IQSEC1: variants seen among roughly 807,000 people sequenced by gnomAD.
IQSEC1 encodes IQ motif and SEC7 domain-containing protein 1.
A neutral mutation model predicts 91.0 loss-of-function variants in IQSEC1; 31 were observed. The ratio of observed to expected loss-of-function variants is 0.34; its 90% CI spans 0.26 to 0.46. IQSEC1 has a LOEUF of 0.46. IQSEC1 is among the 20% of genes least tolerant of loss of function. IQSEC1 has a pLI of 1.00. For missense variants in IQSEC1, 1,388 were observed against 1,575.6 expected, an observed-to-expected ratio of 0.88 and a Z score of 2.02; for synonymous variants, 699 against 662.6, an observed-to-expected ratio of 1.05 and a Z score of -0.84.
chr3:13,206,063 A>C, intron 1 of IQSEC1, among the ~76,000 whole-genome samples: 1 of 129,424 alleles, frequency 7.7e-6, no homozygotes, highest in African/African-American at 3.0e-5. Flanking sequence ...CACTCCTCCC[A>C]CCCATCTATC....
rs557020896 is a variant in IQSEC1, at chr3:12,901,275, C to T, written c.3053G>A (p.Gly1018Glu). 2.4e-5 allele frequency: 37 copies of T among 1,548,612 alleles called. No homozygotes were observed. The East Asian group carries it at 4.4e-4, about 18-fold the overall frequency. Residue 1018 changes from glycine (G) to glutamate (E), a missense_variant, in exon 14 of 14, where the codon GGG becomes GAG. Transcript: ENST00000613206. ...CCCGTGCATGGCGGCCTGCGGCAGC[C>T]CCTCTGGGGGCCCCAGGTGGTGGCC... ...VAGHHLGPPEGLPQAAMHGHH... is the reference protein window; with the variant it reads ...VAGHHLGPPEELPQAAMHGHH...
chr3:13,114,720 A>C (rs570532699), intron 2 of IQSEC1, among the ~76,000 whole-genome samples: 1 of 151,784 alleles, frequency 6.6e-6, no homozygotes, highest in African/African-American at 2.4e-5. Flanking sequence ...TTGAACACAG[A>C]AAGTGGAGGT....
intron 1 of IQSEC1, among the ~76,000 whole-genome samples, chr3:13,177,806 G>A (rs748900097): frequency 5.3e-5 from 8 of 152,228 alleles, no homozygotes; most frequent in Non-Finnish European, 8.8e-5. Flanking sequence ...TCCCAGGGTC[G>A]ATGCAGAGCC....
intron 1 of IQSEC1, among the ~76,000 whole-genome samples, chr3:13,001,458 C>T (rs1235523128): frequency 6.6e-6 from 1 of 152,192 alleles, no homozygotes; most frequent in Non-Finnish European, 1.5e-5. Context: ...CATCAGGCCC[C>T]ACCTTTTAGA....
chr3:12,920,194 A>G (rs1696489642), intron 6 of IQSEC1, among the ~76,000 whole-genome samples: 1 of 152,182 alleles, frequency 6.6e-6, no homozygotes, highest in Admixed American at 6.5e-5. Context: ...AAGGTTTCCC[A>G]ACACCTCGAG....
chr3:13,003,387 A>C (rs562302834), intron 1 of IQSEC1, among the ~76,000 whole-genome samples: 2 of 152,152 alleles, frequency 1.3e-5, no homozygotes, highest in Admixed American at 1.3e-4. Context: ...ACACAAAAGG[A>C]CACGTGTTGT....
chr3:12,973,823 T>C (rs2196013), intron 1 of IQSEC1, among the ~76,000 whole-genome samples: 29,283 of 151,830 alleles, frequency 0.19, 4,169 homozygotes, highest in East Asian at 0.75. Flanking sequence ...ATTGTTCAGA[T>C]GAGGCAGCTG....
At chr3:12,962,232 A>G (rs542087638) in intron 1 of IQSEC1, among the ~76,000 whole-genome samples, 1 of 152,324 alleles carries the variant, frequency 6.6e-6, no homozygotes, top group South Asian at 2.1e-4. Flanking sequence ...AATGATCACA[A>G]CTAACATCTA....
rs1695823852 is a variant in IQSEC1, at chr3:13,282,945, T to G, written c.38A>C (p.Glu13Ala). 1.4e-5 allele frequency among the ~76,000 whole-genome samples: 2 copies of G among 146,500 alleles called. No individual in the cohort carries two copies. The highest frequency in any genetic ancestry group is 4.2e-4 in the South Asian group (2 of 4,798). ...GATCCGGGTCAGCTCCTGCAGGTAC[T>G]CGGCCGCCTGGCCGGGGGGCTCGGC... Residue 13 changes from glutamate to alanine, a missense_variant, in exon 1 of 16, where the codon GAG (glutamate) becomes GCG (alanine). Transcript: ENST00000648114. This position sits in a 1 kb window ranked among gnomAD's most constrained non-coding sequence, Gnocchi z 6.4.
intron 1 of IQSEC1, among the ~76,000 whole-genome samples, chr3:13,064,291 C>T (rs886246672): frequency 4.6e-5 from 7 of 152,162 alleles, no homozygotes; most frequent in Admixed American, 2.6e-4. Flanking sequence ...TCCAGCACCC[C>T]GCTCCTTAAA....
Position 12,935,763 on chromosome 3 carries a change from C to T in IQSEC1, c.1253G>A (p.Arg418Gln), listed in dbSNP as rs565538660. ...PHSGAPKSLP[R>Q]EEPELRPRPP... ...CCGGGGCCGCAACTCAGGCTCCTCC[C>T]GGGGGAGGCTCTTGGGGGCGCCGCT... The change falls in exon 3 of 14, where the codon CGG (arginine) becomes CAG (glutamine). Residue 418 changes from arginine (R) to glutamine (Q), a missense_variant. This residue lies in a region of IQSEC1 where 1,059 missense variants were observed against 1,317.8 expected (regional missense o/e 0.80). Transcript: ENST00000613206. The surrounding 1 kb of genome is among the most constrained non-coding windows in gnomAD (Gnocchi z 8.0). 52 of 1,608,438 alleles carry T rather than the reference C, an allele frequency of 3.2e-5. 1 individual carries two copies. The South Asian group carries it at 4.2e-4, about 13-fold the overall frequency.
At chr3:13,030,229 C>T (rs1330735805) in intron 1 of IQSEC1, among the ~76,000 whole-genome samples, 2 of 152,170 alleles carry the variant, frequency 1.3e-5, no homozygotes, top group African/African-American at 4.8e-5. Flanking sequence ...TCCTGAGTAG[C>T]TGGGATTACG....
intron 1 of IQSEC1, among the ~76,000 whole-genome samples, chr3:13,234,052 G>A (rs1312777965): frequency 2.0e-5 from 3 of 152,236 alleles, no homozygotes; most frequent in Non-Finnish European, 4.4e-5. Context: ...GGATCCCAGT[G>A]GAATTTAAAA....
intron 1 of IQSEC1, among the ~76,000 whole-genome samples, chr3:13,245,875 G>C (rs1376711454): frequency 6.6e-6 from 1 of 152,044 alleles, no homozygotes; most frequent in African/African-American, 2.4e-5. Flanking sequence ...AAGACACTGG[G>C]ATTTGTTTTT....
rs145326869 is a variant in IQSEC1, at chr3:13,273,429, G to A, written c.272+9282C>T. On this transcript the variant is annotated intron_variant, in intron 1 of 15. Transcript: ENST00000648114. ...TCACTCCCTGTTTCAAGAACTCCCC[G>A]TTTCAAGAACTCCCCATTCCAAGAA... Among the ~76,000 whole-genome samples, 17 of 152,306 alleles carry A rather than the reference G, an allele frequency of 1.1e-4. No individual in the cohort carries two copies. The East Asian group carries it at 3.1e-3, about 28-fold the overall frequency.
intron 1 of IQSEC1, among the ~76,000 whole-genome samples, chr3:13,035,678 C>G (rs1269331320): frequency 6.6e-6 from 1 of 152,202 alleles, no homozygotes; most frequent in East Asian, 1.9e-4. Flanking sequence ...AACCTCATCT[C>G]CTGTCCCAAA....
At chr3:13,043,086 T>C (rs1204324794) in intron 1 of IQSEC1, among the ~76,000 whole-genome samples, 2 of 151,970 alleles carry the variant, frequency 1.3e-5, no homozygotes, top group African/African-American at 2.4e-5. Flanking sequence ...GACACATTGA[T>C]AAAATCTAAA....
chr3:13,157,490 C>T (rs549550608), intron 2 of IQSEC1, among the ~76,000 whole-genome samples: 49 of 152,240 alleles, frequency 3.2e-4, no homozygotes, highest in South Asian at 6.2e-4. Context: ...AATTCATAGG[C>T]CACACAGCAG....
intron 1 of IQSEC1, among the ~76,000 whole-genome samples, chr3:13,227,727 G>C (rs1203487691): frequency 1.3e-5 from 2 of 152,176 alleles, no homozygotes; most frequent in Non-Finnish European, 2.9e-5. Context: ...GATTCCGAAG[G>C]GGTCCACCGT....
Sources: gnomAD v4.1 joint callset for allele counts (sites outside exome capture counted in the v4.1 genomes callset) on GRCh38, gnomAD v4.1.1 for gene constraint, gnomAD v4.1.1 regional missense constraint, Gnocchi (gnomAD v3.1) non-coding constraint, MANE v1.5 for transcripts, NCBI Gene and HGNC (gene_info 2026-07-23, HGNC 2026-07-21) for gene names.